The following PPP1R16B variants were observed in gnomAD, a reference collection of about 807,000 sequenced individuals.
PPP1R16B encodes protein phosphatase 1 regulatory subunit 16B.
Under a neutral mutation model 61.7 loss-of-function variants are expected in PPP1R16B, and 14 were observed. The observed-to-expected ratio is 0.23, with a 90% confidence interval of 0.15 to 0.35. PPP1R16B has a LOEUF of 0.35. Among genes scored for constraint, PPP1R16B ranks in the 10% least tolerant of loss-of-function variants. PPP1R16B has a pLI of 1.00. For missense variants in PPP1R16B, 547 were observed against 752.5 expected (o/e 0.73, Z 3.19); for synonymous variants, 266 against 305.3 (o/e 0.87, Z 1.34).
At chr20:38,897,227 G>A (rs1401273943) in intron 4 of PPP1R16B, among the ~76,000 whole-genome samples, 1 of 152,024 alleles carries the variant, frequency 6.6e-6, no homozygotes, top group African/African-American at 2.4e-5. Context: ...CTCAGGTGGT[G>A]GAGGCAGGAG....
At chr20:38,870,453 C>T (rs2085121104) in intron 2 of PPP1R16B, among the ~76,000 whole-genome samples, 1 of 152,080 alleles carries the variant, frequency 6.6e-6, no homozygotes, top group African/African-American at 2.4e-5. Flanking sequence ...TATAGGAAGG[C>T]CAGTCAGGTG....
chr20:38,888,783 C>G (rs1395261388), intron 2 of PPP1R16B, among the ~76,000 whole-genome samples: 1 of 151,546 alleles, frequency 6.6e-6, no homozygotes, highest in African/African-American at 2.4e-5. Context: ...AGGAGGGTCA[C>G]AGTGATAAGG....
At chr20:38,854,000 C>A (rs1479837285) in intron 2 of PPP1R16B, among the ~76,000 whole-genome samples, 1 of 152,176 alleles carries the variant, frequency 6.6e-6, no homozygotes, top group East Asian at 1.9e-4. Flanking sequence ...TCTATACAAG[C>A]GCTTGGGTAC....
intron 4 of PPP1R16B, 37 bp from the exon 5 acceptor site, chr20:38,900,544 C>T (rs1568681398): frequency 6.4e-7 from 1 of 1,561,398 alleles, no homozygotes; most frequent in African/African-American, 1.4e-5. Context: ...ACCCTAGCCA[C>T]ACCTACTTGG....
At position 38,834,339 on chromosome 20, in the gene PPP1R16B, A is replaced by G. The variant is rs138163042; in HGVS notation, c.-101-1486A>G. ...AGCTCTTTTTATTCCTTGCACCTGT[A>G]ACTTCTGGGAGGTGGATAGGACACT... On this transcript the variant is annotated intron_variant, in intron 1 of 10. Transcript: ENST00000299824. 5.9e-5 allele frequency among the ~76,000 whole-genome samples: 9 copies of G among 152,260 alleles called. No homozygotes were observed. In the East Asian group the frequency reaches 1.7e-3, roughly 29 times the overall value.
At chr20:38,883,511 C>A (rs1242862853) in intron 2 of PPP1R16B, among the ~76,000 whole-genome samples, 1 of 152,188 alleles carries the variant, frequency 6.6e-6, no homozygotes, top group Non-Finnish European at 1.5e-5. Flanking sequence ...GTAGGCGGAG[C>A]AGCGGGGTCG....
In PPP1R16B at chr20:38,836,115, G is replaced by A. The variant is rs2084869684; in HGVS notation, c.190G>A (p.Val64Met). The A allele has an allele frequency of 6.2e-7, 1 of 1,612,510 alleles. No individual in the cohort carries two copies. The highest frequency in any genetic ancestry group is 1.3e-5 in the African/African-American group (1 of 74,946). The change falls in exon 2 of 11, where the codon GTG becomes ATG. Residue 64 changes from valine to methionine, a missense_variant. Val to Met is a conservative substitution (Grantham distance 21). Transcript: ENST00000299824. ...KRSTGGRRKK[V>M]SFEASVALLE... is the part of the protein sequence containing the mutation. ...CAGCACGGGCGGCCGCCGCAAGAAA[G>A]TGTCCTTCGAGGCCAGCGTGGCCCT... is the stretch of plus-strand genomic sequence containing the variant.
chr20:38,862,211 G>C (rs902183248), intron 2 of PPP1R16B, among the ~76,000 whole-genome samples: 3 of 152,218 alleles, frequency 2.0e-5, no homozygotes, highest in Non-Finnish European at 4.4e-5. Context: ...TTAATGCCAG[G>C]TGACCAGTGA....
Position 38,888,148 on chromosome 20 carries a change from C to T in PPP1R16B, c.251-1447C>T, listed in dbSNP as rs377498477. ...CTCAGCCCTGCCCTATGGCATGAACCGTAGCGTGGAGATAGTGTCCACGGT... is the reference window on the plus strand; with the variant it reads ...CTCAGCCCTGCCCTATGGCATGAACTGTAGCGTGGAGATAGTGTCCACGGT... On this transcript the variant is annotated intron_variant, in intron 2 of 10. Transcript: ENST00000299824. Among the ~76,000 whole-genome samples the T allele has an allele frequency of 2.2e-4, 34 of 152,364 alleles. 1 individual carries two copies. The highest frequency in any genetic ancestry group is 6.7e-4 in the African/African-American group (28 of 41,590).
At chr20:38,843,705 C>T (rs564662492) in intron 2 of PPP1R16B, among the ~76,000 whole-genome samples, 2 of 151,782 alleles carry the variant, frequency 1.3e-5, no homozygotes, top group Non-Finnish European at 2.9e-5. Flanking sequence ...AATTTGTGGA[C>T]ATGTTTTAAA....
At chr20:38,855,935 TATATATATAGAGAGAGAGAG>T (rs2085003211) in intron 2 of PPP1R16B, among the ~76,000 whole-genome samples, 1 of 43,962 alleles carries the variant, frequency 2.3e-5, no homozygotes, top group South Asian at 8.2e-4. Flanking sequence ...TATATATATA[TATATATATAGAGAGAGAGAG>T]AGAGAGAGAG....
intron 2 of PPP1R16B, among the ~76,000 whole-genome samples, chr20:38,845,900 G>C (rs144861257): frequency 6.6e-5 from 10 of 152,328 alleles, no homozygotes; most frequent in Non-Finnish European, 1.2e-4. Context: ...GAGGGGAGCA[G>C]GGAGGCTCAT....
intron 2 of PPP1R16B, among the ~76,000 whole-genome samples, chr20:38,864,523 G>A (rs2085077062): frequency 6.6e-6 from 1 of 152,162 alleles, no homozygotes; most frequent in Non-Finnish European, 1.5e-5. Flanking sequence ...GGAAACAGAA[G>A]CACAGAAAAG....
At chr20:38,894,818 C>T (rs1051906194) in intron 3 of PPP1R16B, among the ~76,000 whole-genome samples, 3 of 152,224 alleles carry the variant, frequency 2.0e-5, no homozygotes, top group African/African-American at 7.2e-5. Context: ...TGGGGGCCAC[C>T]TGTGTTGGAG....
Position 38,918,338 on chromosome 20 carries a change from A to C in PPP1R16B, c.1376A>C (p.Asn459Thr), listed in dbSNP as rs765096493. Residue 459 changes from asparagine (N) to threonine (T), a missense_variant, in exon 11 of 11, where the codon AAC becomes ACC. Physicochemically the swap from Asn to Thr is moderately conservative, Grantham distance 65 (BLOSUM62 0). Transcript: ENST00000299824. The surrounding 1 kb of genome is among the most constrained non-coding windows in gnomAD (Gnocchi z 5.3). ...CCTGACTACAGCATGGCCTATGGCA[A>C]CCCTGGCGTGGCCGACGCCACCCCG... ...EVPDYSMAYG[N>T]PGVADATPPW... The C allele has an allele frequency of 1.9e-6, 3 of 1,614,180 alleles. No homozygotes were observed. In the East Asian group the frequency reaches 6.7e-5, roughly 36 times the overall value.
chr20:38,857,017 C>T (rs1325327166), intron 2 of PPP1R16B, among the ~76,000 whole-genome samples: 1 of 152,206 alleles, frequency 6.6e-6, no homozygotes, highest in African/African-American at 2.4e-5. Context: ...TGCTCATGGT[C>T]CCCACCTACG....
intron 2 of PPP1R16B, among the ~76,000 whole-genome samples, chr20:38,851,149 GACAATTAAAAA>G (rs1338213261): frequency 1.3e-5 from 2 of 150,310 alleles, no homozygotes; most frequent in Non-Finnish European, 3.0e-5. Context: ...CAGGAGTCTC[GACAATTAAAAA>G]ACAATTAAAA....
At position 38,895,717 on chromosome 20, in the gene PPP1R16B, G is replaced by A. The variant is rs1421997069; in HGVS notation, c.467+7G>A. 1 of 1,612,846 alleles carries A rather than the reference G, an allele frequency of 6.2e-7. No individual in the cohort carries two copies. Among genetic ancestry groups the A allele is most frequent in the East Asian group, 2.2e-5 (1 of 44,788 alleles). On this transcript the variant is annotated splice_region_variant and intron_variant, in intron 4 of 10. Coordinates refer to ENST00000299824, the MANE Select transcript of PPP1R16B (RefSeq NM_015568.4). ...TGAAGATCCTCGTTCAGTAGTACGT[G>A]CCCCTCCCTGCCCCAGAGCAGCCTC...
Position 38,918,350 on chromosome 20 carries a change from C to T in PPP1R16B, c.1388C>T (p.Ala463Val), listed in dbSNP as rs780085035. Residue 463 changes from alanine to valine, a missense_variant, in exon 11 of 11, where the codon GCC (alanine) becomes GTC (valine). Coordinates refer to ENST00000299824, the MANE Select transcript of PPP1R16B (RefSeq NM_015568.4). The surrounding 1 kb of genome is among the most constrained non-coding windows in gnomAD (Gnocchi z 5.3). The part of the protein sequence containing the change: ...YSMAYGNPGV[A>V]DATPPWSSYK... Reference sequence around the variant, plus strand: ...ATGGCCTATGGCAACCCTGGCGTGGCCGACGCCACCCCGCCCTGGAGCAGC... The same window carrying T: ...ATGGCCTATGGCAACCCTGGCGTGGTCGACGCCACCCCGCCCTGGAGCAGC... 3 of 1,614,122 alleles carry T rather than the reference C, an allele frequency of 1.9e-6. No homozygotes were observed. Among genetic ancestry groups the T allele is most frequent in the Admixed American group, 3.3e-5 (2 of 60,020 alleles).
Sources: gnomAD v4.1 joint callset for allele counts (sites outside exome capture counted in the v4.1 genomes callset) on GRCh38, gnomAD v4.1.1 for gene constraint, Gnocchi (gnomAD v3.1) non-coding constraint, MANE v1.5 for transcripts, NCBI Gene and HGNC (gene_info 2026-07-23, HGNC 2026-07-21) for gene names.